Variants in LDLRAD4 observed in about 807,000 individuals in gnomAD.
The protein encoded by LDLRAD4 is low-density lipoprotein receptor class A domain-containing protein 4.
LDLRAD4 carries 5 observed loss-of-function variants against 17.0 expected under a neutral mutation model. The observed-to-expected ratio is 0.29, with a 90% CI of 0.15 to 0.62. The LOEUF (loss-of-function observed/expected upper bound fraction) is 0.62, where lower values mean the gene tolerates loss of function less well. Ranked by LOEUF, LDLRAD4 falls within the 20% of genes least tolerant of loss-of-function variation. The pLI is 0.84. For missense variants in LDLRAD4, 340 were observed against 424.7 expected, an observed-to-expected ratio of 0.80 and a Z score of 1.75; for synonymous variants, 168 against 171.8, an observed-to-expected ratio of 0.98 and a Z score of 0.17.
At position 13,510,460 on chromosome 18, in the gene LDLRAD4, C is replaced by T. The variant is rs146900401; in HGVS notation, c.181+72076C>T. ...TGCAGGAGTCCTTTAGAGAGAGTTCCAAAGAGAGGCATAAATAATTATTAG... is the reference window on the plus strand; with the variant it reads ...TGCAGGAGTCCTTTAGAGAGAGTTCTAAAGAGAGGCATAAATAATTATTAG... On this transcript the variant is annotated intron_variant, in intron 3 of 5. Coordinates refer to ENST00000359446, the Ensembl canonical transcript of LDLRAD4. 1.9e-3 allele frequency among the ~76,000 whole-genome samples: 282 copies of T among 147,768 alleles called. 1 individual carries two copies. The highest frequency in any genetic ancestry group is 0.011 in the South Asian group (52 of 4,676).
chr18:13,339,726 AG>A (rs1426712853), intron 1 of LDLRAD4, among the ~76,000 whole-genome samples: 2 of 152,218 alleles, frequency 1.3e-5, no homozygotes, highest in Non-Finnish European at 2.9e-5. Flanking sequence ...AGAATTGATC[AG>A]TCTAGATCAA....
chr18:13,601,653 GA>G (rs71174174), intron 3 of LDLRAD4, among the ~76,000 whole-genome samples: 238 of 124,474 alleles, frequency 1.9e-3, no homozygotes, highest in Non-Finnish European at 2.8e-3. Flanking sequence ...GACTCTGTCT[GA>G]AAAAAAAAAA....
chr18:13,362,515 G>A (rs576389016), intron 1 of LDLRAD4: 2 of 152,350 alleles, frequency 1.3e-5, no homozygotes, highest in East Asian at 1.9e-4. Context: ...GTGCCAGCAG[G>A]GCAGCCATGC....
rs115614219 is a variant in LDLRAD4, at chr18:13,512,881, A to C, written c.181+74497A>C. 5.9e-3 allele frequency among the ~76,000 whole-genome samples: 900 copies of C among 152,314 alleles called. 9 individuals are homozygous for C. Among genetic ancestry groups the C allele is most frequent in the African/African-American group, 0.021 (867 of 41,556 alleles). ...AAATTTGGCAGTGGAGATCACTTGC[A>C]CTGAAAAGTAAATTTTTTTGGCTTA... On this transcript the variant is annotated intron_variant, in intron 3 of 5. Coordinates refer to ENST00000359446, the Ensembl canonical transcript of LDLRAD4.
rs1232159810 is a variant in LDLRAD4 at position 13,621,062 on chromosome 18, A to T, written c.182-55A>T. 1 of 1,611,856 alleles carries T rather than the reference A, an allele frequency of 6.2e-7. No homozygotes were observed. Among genetic ancestry groups the T allele is most frequent in the East Asian group, 2.2e-5 (1 of 44,840 alleles). Reference sequence around the variant, plus strand: ...GCTGGGGTGGTGACAGTGCCTGGAGAATGGGTGGGGACTGGAGGGGCCAGG... The same window carrying T: ...GCTGGGGTGGTGACAGTGCCTGGAGTATGGGTGGGGACTGGAGGGGCCAGG... On this transcript the variant is annotated intron_variant, in intron 3 of 5. Transcript: ENST00000359446. The surrounding 1 kb of genome is among the most constrained non-coding windows in gnomAD (Gnocchi z 5.5).
At chr18:13,365,963 A>C (rs9954816) in intron 1 of LDLRAD4, among the ~76,000 whole-genome samples, 64,372 of 152,024 alleles carry the variant, frequency 0.42, 14,953 homozygotes, top group African/African-American at 0.63. Context: ...TTAGTAGAGA[A>C]GGGGTTTCAC....
intron 3 of LDLRAD4, among the ~76,000 whole-genome samples, chr18:13,473,081 C>T (rs557921759): frequency 1.1e-3 from 173 of 151,940 alleles, no homozygotes; most frequent in Middle Eastern, 0.01. Context: ...CCCGCCCCCG[C>T]CTGCCAGCAC....
At chr18:13,287,549 A>G (rs529960936) in intron 1 of LDLRAD4, among the ~76,000 whole-genome samples, 1 of 152,230 alleles carries the variant, frequency 6.6e-6, no homozygotes, top group South Asian at 2.1e-4. Context: ...TGGATAAGTA[A>G]TTGGCTGGTG....
rs755173136 is a variant in LDLRAD4 at position 13,621,182 on chromosome 18, G to A, written c.247G>A (p.Val83Ile). The A allele has an allele frequency of 5.6e-6, 9 of 1,614,046 alleles. No individual in the cohort carries two copies. The highest frequency in any genetic ancestry group is 4.5e-5 in the East Asian group (2 of 44,896). Residue 83 changes from valine to isoleucine, a missense_variant, in exon 4 of 6, where the codon GTC (valine) becomes ATC (isoleucine). Coordinates refer to ENST00000359446, the Ensembl canonical transcript of LDLRAD4. This position sits in a 1 kb window ranked among gnomAD's most constrained non-coding sequence, Gnocchi z 5.5. ...GGTCACGGTGATGGTGGTGGTCATCGTCTGCCTGCTGAACCACTACAAAGT... is the reference window on the plus strand; with the variant it reads ...GGTCACGGTGATGGTGGTGGTCATCATCTGCCTGCTGAACCACTACAAAGT...
chr18:13,235,377 G>T (rs1361222848), intron 1 of LDLRAD4, among the ~76,000 whole-genome samples: 2 of 152,152 alleles, frequency 1.3e-5, no homozygotes, highest in African/African-American at 4.8e-5. Context: ...CTGTTCTTGG[G>T]ATCAGGAAAA....
rs2042945543 is a variant in LDLRAD4 at position 13,645,074 on chromosome 18, A to G, written c.391-53A>G. ...AACTTTCCTTGATTCTGACACATTT[A>G]TGGTCATCATTGCGCTCAAACTGTC... On this transcript the variant is annotated intron_variant, in intron 5 of 5. Transcript: ENST00000359446. The surrounding 1 kb of genome is among the most constrained non-coding windows in gnomAD (Gnocchi z 5.7). 4.4e-6 allele frequency: 6 copies of G among 1,362,480 alleles called. No individual in the cohort carries two copies. The highest frequency in any genetic ancestry group is 6.1e-6 in the Non-Finnish European group (6 of 984,242). The allele number at this position is 1,362,480 out of a possible 1,614,324, so 84.4% of individuals were successfully genotyped here. A position where few individuals can be genotyped will look rare whatever the true frequency, so the allele number is the denominator to read the frequency against.
chr18:13,470,013 G>C (rs1327496963), intron 3 of LDLRAD4, among the ~76,000 whole-genome samples: 1 of 152,188 alleles, frequency 6.6e-6, no homozygotes, highest in Non-Finnish European at 1.5e-5. Flanking sequence ...AAAAAATCGT[G>C]GGACTATTTG....
At chr18:13,278,160 C>T (rs1052562961) in exon 1 of LDLRAD4, 12 of 152,328 alleles carry the variant, frequency 7.9e-5, no homozygotes, top group Admixed American at 6.5e-4. Flanking sequence ...TTTCCGAGAA[C>T]TCCCATCAGT....
intron 4 of LDLRAD4, among the ~76,000 whole-genome samples, chr18:13,635,725 C>T (rs1328619208): frequency 6.6e-6 from 1 of 152,200 alleles, no homozygotes; most frequent in Non-Finnish European, 1.5e-5. Flanking sequence ...AACCGTTCTG[C>T]GTCCCTTTTC....
chr18:13,319,294 C>T (rs530092013), intron 1 of LDLRAD4, among the ~76,000 whole-genome samples: 7 of 152,266 alleles, frequency 4.6e-5, no homozygotes, highest in South Asian at 2.1e-4. Context: ...AGTTCACGGG[C>T]GAGTAACAGA....
intron 1 of LDLRAD4, among the ~76,000 whole-genome samples, chr18:13,270,015 G>T (rs1271601460): frequency 6.6e-6 from 1 of 152,186 alleles, no homozygotes; most frequent in East Asian, 1.9e-4. Context: ...ACACACCAGG[G>T]CTGTCTAGAG....
At chr18:13,459,830 C>T (rs113275018) in intron 3 of LDLRAD4, 56 of 153,872 alleles carry the variant, frequency 3.6e-4, no homozygotes, top group African/African-American at 9.4e-4. Context: ...GCAGTGCTTG[C>T]GCTTTAAGGA....
At chr18:13,317,542 T>C in intron 1 of LDLRAD4, among the ~76,000 whole-genome samples, 1 of 152,222 alleles carries the variant, frequency 6.6e-6, no homozygotes, top group Non-Finnish European at 1.5e-5. Context: ...ATTGAACAAT[T>C]AGGATTGGTA....
chr18:13,362,787 C>T (rs2083762527), intron 1 of LDLRAD4, among the ~76,000 whole-genome samples: 1 of 152,156 alleles, frequency 6.6e-6, no homozygotes, highest in Non-Finnish European at 1.5e-5. Flanking sequence ...CAGGAAGGAT[C>T]CTTCTGACTC....
Sources: gnomAD v4.1 joint callset for allele counts (sites outside exome capture counted in the v4.1 genomes callset) on GRCh38, gnomAD v4.1.1 for gene constraint, Gnocchi (gnomAD v3.1) non-coding constraint, MANE v1.5 for transcripts, NCBI Gene and HGNC (gene_info 2026-07-23, HGNC 2026-07-21) for gene names.